The following HUWE1 variants were observed in gnomAD, a reference collection of about 807,000 sequenced individuals.
The protein encoded by HUWE1 is E3 ubiquitin-protein ligase HUWE1.
HUWE1 carries 18 observed loss-of-function variants against 299.4 expected under a neutral mutation model. The ratio of observed to expected loss-of-function variants is 0.06; its 90% CI spans 0.04 to 0.09. The LOEUF is 0.09. Among genes scored for constraint, HUWE1 ranks in the 10% least tolerant of loss-of-function variants. The probability of loss-of-function intolerance (pLI) is 1.00; values close to 1 mark genes in which losing one functional copy is unlikely to be tolerated. For missense variants in HUWE1, 1,832 were observed against 3,462.3 expected, an observed-to-expected ratio of 0.53 and a Z score of 11.82; for synonymous variants, 1,317 against 1,286.1, an observed-to-expected ratio of 1.02 and a Z score of -0.51.
chrX:53,604,103 C>CT (rs782049652), intron 26 of HUWE1, among the ~76,000 whole-genome samples: 11 of 111,812 alleles, frequency 9.8e-5, no homozygotes, highest in Non-Finnish European at 1.9e-4. Flanking sequence ...TACCATAAAT[C>CT]TTTAGAATCA....
chrX:53,604,166 T>G (rs1603037697), intron 26 of HUWE1, among the ~76,000 whole-genome samples: 1 of 111,960 alleles, frequency 8.9e-6, no homozygotes, highest in African/African-American at 3.3e-5. Flanking sequence ...CAAAATGCCT[T>G]CTTTCTGGAA....
At chrX:53,643,860 G>C (rs2067787073) in intron 7 of HUWE1, among the ~76,000 whole-genome samples, 2 of 111,681 alleles carry the variant, frequency 1.8e-5, no homozygotes, top group Non-Finnish European at 3.8e-5. Flanking sequence ...GTCTCACTCT[G>C]TTGCCCAGGC....
At chrX:53,671,397 G>T (rs782754125) in intron 3 of HUWE1, among the ~76,000 whole-genome samples, 1 of 111,940 alleles carries the variant, frequency 8.9e-6, no homozygotes, top group African/African-American at 3.2e-5. Flanking sequence ...ATGTTAGGAG[G>T]CATTACTTAA....
chrX:53,601,284 C>A (rs1218534597), intron 28 of HUWE1, among the ~76,000 whole-genome samples: 3 of 109,296 alleles, frequency 2.7e-5, no homozygotes, highest in Non-Finnish European at 5.7e-5. Context: ...TGGGCTCAAG[C>A]GATCCTCCCA....
chrX:53,615,116 T>C (rs184962584), intron 22 of HUWE1, among the ~76,000 whole-genome samples: 2 of 109,982 alleles, frequency 1.8e-5, no homozygotes, highest in Non-Finnish European at 1.9e-5. Context: ...AAACGGAGAC[T>C]AGAAAGGGTA....
At chrX:53,546,640 T>G in intron 69 of HUWE1, 48 bp from the exon 70 acceptor site, 1 of 1,208,857 alleles carries the variant, frequency 8.3e-7, no homozygotes. Flanking sequence ...GAGAACAAAA[T>G]CATTATCTAC....
At chrX:53,679,561 G>C (rs782779278) in intron 3 of HUWE1, among the ~76,000 whole-genome samples, 1 of 111,594 alleles carries the variant, frequency 9.0e-6, no homozygotes, top group Non-Finnish European at 1.9e-5. Flanking sequence ...AGGCCAAGAA[G>C]GGAGGATGGC....
chrX:53,552,972 T>C (rs964850619), intron 61 of HUWE1, 79 bp from the exon 62 acceptor site: 27 of 1,083,813 alleles, frequency 2.5e-5, no homozygotes, highest in Non-Finnish European at 3.4e-5. Context: ...TTGATAGGGC[T>C]GCTTCCTTAG....
chrX:53,595,134 T>G, intron 30 of HUWE1, 53 bp downstream of exon 30: 1 of 1,036,754 alleles, frequency 9.6e-7, no homozygotes, highest in South Asian at 1.9e-5. Context: ...AGGAACAACT[T>G]ACATATTTTT....
chrX:53,578,583 G>C (rs2063352101), intron 43 of HUWE1, among the ~76,000 whole-genome samples: 1 of 98,440 alleles, frequency 1.0e-5, no homozygotes, highest in African/African-American at 3.8e-5. Flanking sequence ...GGGGGGAGGG[G>C]GGGTCAGCCC....
At chrX:53,579,029 C>T (rs113961626) in intron 43 of HUWE1, among the ~76,000 whole-genome samples, 2 of 12,454 alleles carry the variant, frequency 1.6e-4, no homozygotes, top group African/African-American at 3.7e-4. Context: ...GGGAGGGAGG[C>T]GGGGGGGGGG....
In HUWE1 at chrX:53,647,453, A is replaced by T; in HGVS notation, c.266T>A (p.Leu89Gln). The change falls in exon 6 of 84, where the codon CTG (leucine) becomes CAG (glutamine). Residue 89 changes from leucine to glutamine, a missense_variant. This residue lies in a region of HUWE1 where 658 missense variants were observed against 1,282.6 expected (regional missense o/e 0.51). Coordinates refer to ENST00000262854, the MANE Select transcript of HUWE1 (RefSeq NM_031407.7). ...LVCDRPEREQ[L>Q]KMLLLAVLNF... ...CAACACAGCCAAGAGAAGCATTTTC[A>T]GTTGCTCTCTTTCTGGCCTATCACA... 1 of 1,208,530 alleles carries T rather than the reference A, an allele frequency of 8.3e-7. No homozygotes were observed. Among genetic ancestry groups the T allele is most frequent in the Non-Finnish European group, 1.1e-6 (1 of 892,547 alleles).
At chrX:53,590,895 A>G in intron 34 of HUWE1, 105 bp downstream of exon 34, 1 of 980,138 alleles carries the variant, frequency 1.0e-6, no homozygotes, top group Non-Finnish European at 1.4e-6. Context: ...TGAAAATGAG[A>G]AGCAGTTTAT....
intron 25 of HUWE1, among the ~76,000 whole-genome samples, chrX:53,605,802 C>G (rs1489528858): frequency 1.8e-5 from 2 of 111,778 alleles, no homozygotes; most frequent in Non-Finnish European, 3.8e-5. Flanking sequence ...AACTGTGATA[C>G]TGGCATAAAG....
intron 43 of HUWE1, 114 bp from the exon 44 acceptor site, chrX:53,577,181 C>A: frequency 1.8e-6 from 1 of 570,349 alleles, no homozygotes; most frequent in Non-Finnish European, 3.0e-6. Flanking sequence ...AGATAGGAGA[C>A]CATTTTCAAT....
At chrX:53,683,559 G>A (rs1259799962) in intron 2 of HUWE1, among the ~76,000 whole-genome samples, 1 of 108,715 alleles carries the variant, frequency 9.2e-6, no homozygotes, top group African/African-American at 3.4e-5. Context: ...TCCGCCCACT[G>A]CGGCGGCGAC....
intron 55 of HUWE1, among the ~76,000 whole-genome samples, chrX:53,560,867 C>T (rs1490672040): frequency 8.9e-6 from 1 of 111,752 alleles, no homozygotes; most frequent in African/African-American, 3.3e-5. Context: ...AGTTATGATT[C>T]CTAATAAACC....
At chrX:53,655,360 A>G (rs1603257882) in intron 3 of HUWE1, among the ~76,000 whole-genome samples, 1 of 111,565 alleles carries the variant, frequency 9.0e-6, no homozygotes, top group South Asian at 3.8e-4. Context: ...TGCCTGTACG[A>G]CCTGTATCCA....
At chrX:53,627,903 A>C in intron 15 of HUWE1, 24 bp from the exon 16 acceptor site, 1 of 1,197,822 alleles carries the variant, frequency 8.3e-7, no homozygotes. Flanking sequence ...AAAGAGGCAA[A>C]AACAATGAAC....
Sources: allele counts gnomAD v4.1 joint callset (sites outside exome capture counted in the v4.1 genomes callset), GRCh38; gene constraint gnomAD v4.1.1; regional missense constraint gnomAD v4.1.1; transcripts MANE v1.5; gene names NCBI Gene and HGNC (gene_info 2026-07-23, HGNC 2026-07-21).